The following SYNE1 variants were observed in gnomAD, a reference collection of about 807,000 sequenced individuals.
SYNE1 encodes spectrin repeat containing nuclear envelope protein 1.
In SYNE1, 616 loss-of-function variants were observed where a neutral mutation model predicts 1,111.0. The ratio of observed to expected loss-of-function variants is 0.55; its 90% CI spans 0.52 to 0.59. SYNE1 has a LOEUF of 0.59. Among genes scored for constraint, SYNE1 ranks in the 20% least tolerant of loss-of-function variants. The pLI is 0.00. For missense variants in SYNE1, 10,006 were observed against 10,417.0 expected, an observed-to-expected ratio of 0.96 and a Z score of 1.72; for synonymous variants, 3,855 against 3,825.8, an observed-to-expected ratio of 1.01 and a Z score of -0.28.
intron 3 of SYNE1, among the ~76,000 whole-genome samples, chr6:152,565,804 A>G (rs1459540990): frequency 6.6e-6 from 1 of 152,144 alleles, no homozygotes; most frequent in Non-Finnish European, 1.5e-5. Flanking sequence ...CCTTATTTCC[A>G]TTTGGAAATC....
chr6:152,388,251 G>A (rs1336056836), intron 53 of SYNE1, among the ~76,000 whole-genome samples: 2 of 149,706 alleles, frequency 1.3e-5, no homozygotes, highest in Admixed American at 6.7e-5. Context: ...AGCACCCCCC[G>A]CCTTTTTTTT....
chr6:152,465,328 G>A lies in SYNE1; in HGVS notation c.1862C>T (p.Thr621Ile). 1 of 1,613,800 alleles carries A rather than the reference G, an allele frequency of 6.2e-7. No individual in the cohort carries two copies. The highest frequency in any genetic ancestry group is 8.5e-7 in the Non-Finnish European group (1 of 1,179,802). ...VISNWDRYGN[T>I]VASLQAWLED... is the part of the protein sequence containing the mutation. ...TAGCCAGGCTTGCAGACTAGCCACT[G>A]TATTGCCATAGCGATCCCAGTTAGA... The change falls in exon 18 of 146, where the codon ACA becomes ATA. Residue 621 changes from threonine to isoleucine, a missense_variant. Physicochemically the swap from Thr to Ile is moderately conservative, Grantham distance 89. Coordinates refer to ENST00000367255, the MANE Select transcript of SYNE1 (RefSeq NM_182961.4).
At chr6:152,597,019 A>C (rs2099583981) in intron 3 of SYNE1, among the ~76,000 whole-genome samples, 1 of 152,066 alleles carries the variant, frequency 6.6e-6, no homozygotes. Context: ...CAATAAGATC[A>C]CTCTTACCCT....
rs560327928 is a variant in SYNE1, at chr6:152,191,450, T to C, written c.23146-2043A>G. 2.0e-4 allele frequency among the ~76,000 whole-genome samples: 30 copies of C among 152,284 alleles called. No individual in the cohort carries two copies. The South Asian group carries it at 6.2e-3, about 32-fold the overall frequency. ...GGGAGACTTTTTATTATGGCTTCAA[T>C]CTTGTTACTTGCTATTGGTCTGCTT... On this transcript the variant is annotated intron_variant, in intron 127 of 145. Transcript: ENST00000367255.
chr6:152,604,668 G>A (rs555945113), intron 3 of SYNE1, among the ~76,000 whole-genome samples: 6 of 151,926 alleles, frequency 3.9e-5, no homozygotes, highest in South Asian at 2.1e-4. Flanking sequence ...GGCAGGGCAC[G>A]GTGGCTCATG....
At chr6:152,135,014 A>AACAACACTTACC (rs1246709718) in intron 142 of SYNE1, 90 bp downstream of exon 142, 1 of 1,581,920 alleles carries the variant, frequency 6.3e-7, no homozygotes, top group African/African-American at 1.4e-5. Context: ...AAAAAAAAGA[A>AACAACACTTACC]ACAACACTTA....
intron 139 of SYNE1, 25 bp from the exon 140 acceptor site, chr6:152,140,186 G>C (rs372094140): frequency 1.2e-6 from 2 of 1,611,926 alleles, no homozygotes; most frequent in Non-Finnish European, 1.7e-6. Flanking sequence ...ATAGAACAGT[G>C]AGGTTATTTT....
chr6:152,617,393 C>T (rs930640720), intron 3 of SYNE1, among the ~76,000 whole-genome samples: 6 of 152,038 alleles, frequency 3.9e-5, no homozygotes, highest in African/African-American at 1.4e-4. Flanking sequence ...TAGTATCTAC[C>T]ACTCAGTTTT....
chr6:152,157,073 C>A (rs1430640009), intron 131 of SYNE1, among the ~76,000 whole-genome samples: 1 of 152,176 alleles, frequency 6.6e-6, no homozygotes, highest in African/African-American at 2.4e-5. Flanking sequence ...GTGATCCACC[C>A]ACCTAGGCCT....
chr6:152,443,293 C>T (rs1345231525), intron 30 of SYNE1, among the ~76,000 whole-genome samples: 1 of 152,156 alleles, frequency 6.6e-6, no homozygotes, highest in Non-Finnish European at 1.5e-5. Context: ...TAGACAGAGT[C>T]TTGCTCTGTC....
intron 54 of SYNE1, among the ~76,000 whole-genome samples, chr6:152,386,553 G>T (rs894558847): frequency 2.6e-5 from 4 of 151,994 alleles, no homozygotes; most frequent in African/African-American, 9.7e-5. Context: ...ATATGCCAAA[G>T]AATAATCATG....
intron 97 of SYNE1, 141 bp downstream of exon 97, chr6:152,281,666 T>C: frequency 1.1e-6 from 1 of 917,198 alleles, no homozygotes; most frequent in Non-Finnish European, 1.7e-6. Flanking sequence ...AATGTATTAC[T>C]TTTCTATTCT....
intron 130 of SYNE1, 115 bp downstream of exon 130, chr6:152,176,279 G>T (rs1010770590): frequency 7.0e-7 from 1 of 1,435,594 alleles, no homozygotes; most frequent in South Asian, 1.2e-5. Context: ...TGAAAATGGT[G>T]AGATAACCCA....
intron 105 of SYNE1, among the ~76,000 whole-genome samples, chr6:152,247,185 G>T (rs1037790015): frequency 2.6e-5 from 4 of 152,174 alleles, no homozygotes; most frequent in Admixed American, 6.5e-5. Context: ...GCTCTGGATT[G>T]GAACAGCACA....
At chr6:152,446,015 C>T (rs940550352) in intron 29 of SYNE1, among the ~76,000 whole-genome samples, 2 of 151,848 alleles carry the variant, frequency 1.3e-5, no homozygotes, top group African/African-American at 2.4e-5. Context: ...ACTATAAGTC[C>T]TGGGGCAAAA....
At chr6:152,210,194 T>C (rs1379798489) in intron 124 of SYNE1, among the ~76,000 whole-genome samples, 2 of 152,178 alleles carry the variant, frequency 1.3e-5, no homozygotes, top group Non-Finnish European at 2.9e-5. Flanking sequence ...TTTTTTTCCC[T>C]TCAACTTTCA....
At chr6:152,373,497 G>A (rs1458532125) in intron 58 of SYNE1, among the ~76,000 whole-genome samples, 1 of 152,086 alleles carries the variant, frequency 6.6e-6, no homozygotes. Flanking sequence ...GGCCAGGATG[G>A]TCTTGATCTC....
chr6:152,443,269 A>G (rs2098548998), intron 30 of SYNE1, among the ~76,000 whole-genome samples: 1 of 152,108 alleles, frequency 6.6e-6, no homozygotes, highest in Non-Finnish European at 1.5e-5. Context: ...AATTTTTTAT[A>G]CTCAGCCATT....
In SYNE1 at chr6:152,122,231, T is replaced by G; in HGVS notation, c.*205A>C. 1.3e-6 allele frequency: 1 copy of G among 763,682 alleles called. No individual in the cohort carries two copies. Among genetic ancestry groups the G allele is most frequent in the South Asian group, 1.7e-5 (1 of 57,302 alleles). The allele number at this position is 763,682 out of a possible 1,614,324, so 47.3% of individuals were successfully genotyped here. A position where few individuals can be genotyped will look rare whatever the true frequency, so the allele number is the denominator to read the frequency against. ...TCTCAAACCAGATTTCTTCCAAACC[T>G]TCTTGTTGTCTGTTTGTTCCCCCGT... is the stretch of plus-strand genomic sequence containing the variant. On this transcript the variant is annotated 3_prime_UTR_variant, in exon 146 of 146. Coordinates refer to ENST00000367255, the MANE Select transcript of SYNE1 (RefSeq NM_182961.4).
Sources: gnomAD v4.1 joint callset for allele counts (sites outside exome capture counted in the v4.1 genomes callset) on GRCh38, gnomAD v4.1.1 for gene constraint, MANE v1.5 for transcripts, NCBI Gene and HGNC (gene_info 2026-07-23, HGNC 2026-07-21) for gene names.